ERC1: variants seen among roughly 807,000 people sequenced by gnomAD.
ERC1 encodes the protein RAB6 interacting protein 2.
A neutral mutation model predicts 132.0 loss-of-function variants in ERC1; 56 were observed. That is an observed-to-expected ratio of 0.42 (90% CI 0.34 to 0.53). ERC1 has a LOEUF of 0.53. Among genes scored for constraint, ERC1 ranks in the 20% least tolerant of loss-of-function variants. ERC1 has a pLI of 0.03. For missense variants in ERC1, 1,202 were observed against 1,349.9 expected (o/e 0.89, Z 1.72); for synonymous variants, 478 against 476.1 (o/e 1.00, Z -0.05).
At chr12:1,345,187 CTTTT>C (rs573681390) in intron 15 of ERC1, among the ~76,000 whole-genome samples, 1 of 131,494 alleles carries the variant, frequency 7.6e-6, no homozygotes, top group African/African-American at 3.0e-5. Flanking sequence ...AATATTTCTT[CTTTT>C]TTTTTTTGAG....
At chr12:1,047,738 A>G (rs141756251) in intron 2 of ERC1, among the ~76,000 whole-genome samples, 4 of 152,342 alleles carry the variant, frequency 2.6e-5, no homozygotes, top group African/African-American at 7.2e-5. Flanking sequence ...TAAAAATGAC[A>G]GTAACTAATG....
intron 17 of ERC1, among the ~76,000 whole-genome samples, chr12:1,421,457 G>A (rs1022050522): frequency 7.2e-5 from 11 of 152,232 alleles, no homozygotes; most frequent in Admixed American, 4.6e-4. Flanking sequence ...TTGGGGTTGC[G>A]ATCATAGAGG....
At chr12:1,270,961 A>C (rs148343392) in intron 14 of ERC1, among the ~76,000 whole-genome samples, 4 of 152,284 alleles carry the variant, frequency 2.6e-5, no homozygotes, top group African/African-American at 4.8e-5. Context: ...ATGATGATGG[A>C]TATCAAGTAT....
intron 15 of ERC1, among the ~76,000 whole-genome samples, chr12:1,305,146 A>G (rs891341314): frequency 1.3e-5 from 2 of 152,002 alleles, no homozygotes; most frequent in African/African-American, 4.8e-5. Context: ...CTGTGGAGCT[A>G]CTTTCCTTGG....
At chr12:1,027,710 A>G (rs1967136352) in intron 1 of ERC1, 38 bp from the exon 2 acceptor site, 2 of 557,522 alleles carry the variant, frequency 3.6e-6, no homozygotes, top group South Asian at 2.7e-5. Context: ...GGAAATATTT[A>G]TTATTGGAGG....
chr12:1,039,186 A>C (rs1198480059), intron 2 of ERC1, among the ~76,000 whole-genome samples: 1 of 151,712 alleles, frequency 6.6e-6, no homozygotes, highest in Non-Finnish European at 1.5e-5. Flanking sequence ...AATACAAAAA[A>C]ATTAGCTGGG....
chr12:1,243,961 T>C (rs529220363), intron 13 of ERC1, among the ~76,000 whole-genome samples: 2 of 152,320 alleles, frequency 1.3e-5, no homozygotes, highest in African/African-American at 4.8e-5. Flanking sequence ...CCAAAGCTGT[T>C]AAGTTAAAAC....
intron 14 of ERC1, among the ~76,000 whole-genome samples, chr12:1,264,758 A>T (rs564731701): frequency 7.2e-5 from 11 of 152,248 alleles, no homozygotes; most frequent in African/African-American, 2.4e-4. Context: ...TTTGTGGGAG[A>T]AATATAAATG....
At chr12:1,067,716 C>T (rs1442191647) in intron 2 of ERC1, among the ~76,000 whole-genome samples, 1 of 152,162 alleles carries the variant, frequency 6.6e-6, no homozygotes, top group Non-Finnish European at 1.5e-5. Context: ...TTTTCCTTTC[C>T]TGCTGAAGGC....
intron 18 of ERC1, among the ~76,000 whole-genome samples, chr12:1,487,205 C>T (rs1020449051): frequency 1.3e-5 from 2 of 152,102 alleles, no homozygotes; most frequent in Admixed American, 6.6e-5. Flanking sequence ...CTAAATCGGG[C>T]CCCTCAGTGT....
chr12:1,447,546 A>ACAAC (rs201256150), intron 18 of ERC1, among the ~76,000 whole-genome samples: 41 of 146,358 alleles, frequency 2.8e-4, no homozygotes, highest in African/African-American at 9.7e-4. Context: ...AACAACAACA[A>ACAAC]AAAAAAAAAA....
At chr12:1,188,556 A>G (rs1158359930) in intron 11 of ERC1, among the ~76,000 whole-genome samples, 1 of 152,210 alleles carries the variant, frequency 6.6e-6, no homozygotes, top group African/African-American at 2.4e-5. Context: ...GTTTCTTAAA[A>G]TATACTTCAT....
At chr12:1,135,783 C>T (rs1348051840) in intron 7 of ERC1, among the ~76,000 whole-genome samples, 2 of 152,142 alleles carry the variant, frequency 1.3e-5, no homozygotes, top group African/African-American at 4.8e-5. Flanking sequence ...CAAGGTCCTG[C>T]TACACCTTTA....
intron 17 of ERC1, among the ~76,000 whole-genome samples, chr12:1,431,259 A>G (rs2092789539): frequency 6.6e-6 from 1 of 152,210 alleles, no homozygotes. Context: ...AGATATCTCT[A>G]AAATTCCTTC....
intron 15 of ERC1, among the ~76,000 whole-genome samples, chr12:1,345,713 T>A (rs2084386654): frequency 6.6e-6 from 1 of 152,238 alleles, no homozygotes; most frequent in Non-Finnish European, 1.5e-5. Flanking sequence ...CATCTTATTT[T>A]ATAACTCCCA....
Position 1,274,483 on chromosome 12 carries a change from T to C in ERC1, c.2619+11318T>C, listed in dbSNP as rs866776298. On this transcript the variant is annotated intron_variant, in intron 14 of 18. Transcript: ENST00000360905. ...TCGTCTATTTTATTTTATTTTATTT[T>C]ATTTATTTATTTATTTATTTATTTA... Among the ~76,000 whole-genome samples, 3 of 146,662 alleles carry C rather than the reference T, an allele frequency of 2.0e-5. No individual in the cohort carries two copies. The South Asian group carries it at 6.4e-4, about 31-fold the overall frequency.
intron 12 of ERC1, among the ~76,000 whole-genome samples, chr12:1,205,905 T>C (rs910290541): frequency 2.0e-5 from 3 of 152,104 alleles, no homozygotes; most frequent in African/African-American, 7.2e-5. Context: ...GCTCTCAGTC[T>C]CTCTAAATGA....
chr12:1,285,734 A>G (rs1479490923), intron 14 of ERC1, among the ~76,000 whole-genome samples: 2 of 152,246 alleles, frequency 1.3e-5, no homozygotes, highest in East Asian at 1.9e-4. Context: ...AATAATTTCA[A>G]TCTTACAGAC....
intron 8 of ERC1, among the ~76,000 whole-genome samples, chr12:1,164,373 C>T (rs375125237): frequency 4.6e-5 from 7 of 151,658 alleles, no homozygotes; most frequent in South Asian, 4.2e-4. Flanking sequence ...GACGGAGTCT[C>T]GCTCTGTTGC....
Sources: allele counts gnomAD v4.1 joint callset (sites outside exome capture counted in the v4.1 genomes callset), GRCh38; gene constraint gnomAD v4.1.1; transcripts MANE v1.5; gene names NCBI Gene and HGNC (gene_info 2026-07-23, HGNC 2026-07-21).